Variants in GPC5 observed in about 807,000 individuals in gnomAD.
The protein encoded by GPC5 is glypican 5, also known as glypican-5.
A neutral mutation model predicts 53.9 loss-of-function variants in GPC5; 47 were observed. That is an observed-to-expected ratio of 0.87 (90% confidence interval 0.69 to 1.11). GPC5 has a LOEUF of 1.11. Among genes scored for constraint, GPC5 ranks in the 50% most tolerant of loss-of-function variants. GPC5 has a pLI of 0.00. For synonymous variants in GPC5, 286 were observed against 263.3 expected (o/e 1.09, Z -0.84); for missense variants, 748 against 713.1 (o/e 1.05, Z -0.56).
intron 3 of GPC5, among the ~76,000 whole-genome samples, chr13:91,713,904 T>C (rs1460429948): frequency 6.6e-6 from 1 of 152,196 alleles, no homozygotes; most frequent in Non-Finnish European, 1.5e-5. Context: ...TGGAGATGAT[T>C]GCAGGTAGAT....
At chr13:91,660,141 T>A (rs2034951542) in intron 2 of GPC5, among the ~76,000 whole-genome samples, 1 of 152,186 alleles carries the variant, frequency 6.6e-6, no homozygotes, top group African/African-American at 2.4e-5. Flanking sequence ...GGCTCTACAT[T>A]GGAAACAGCA....
At chr13:91,743,736 T>A (rs1281753294) in intron 4 of GPC5, among the ~76,000 whole-genome samples, 1 of 152,170 alleles carries the variant, frequency 6.6e-6, no homozygotes, top group African/African-American at 2.4e-5. Flanking sequence ...CTTTTTCATC[T>A]TCAGTCCAAA....
At chr13:92,638,312 T>C (rs1390832219) in intron 7 of GPC5, among the ~76,000 whole-genome samples, 1 of 151,976 alleles carries the variant, frequency 6.6e-6, no homozygotes, top group Non-Finnish European at 1.5e-5. Flanking sequence ...AATAAATAAA[T>C]AAAATGAGGC....
intron 7 of GPC5, among the ~76,000 whole-genome samples, chr13:92,702,812 G>A (rs1355076750): frequency 6.6e-6 from 1 of 152,008 alleles, no homozygotes; most frequent in Non-Finnish European, 1.5e-5. Context: ...TCTTGCATAT[G>A]TAACTCTATG....
chr13:91,728,614 G>A lies in GPC5; in HGVS notation c.1103G>A (p.Gly368Glu), dbSNP rs1284796737. 6.2e-7 allele frequency: 1 copy of A among 1,613,410 alleles called. No individual in the cohort carries two copies. Residue 368 changes from glycine to glutamate, a missense_variant, in exon 4 of 8, where the codon GGA (glycine) becomes GAA (glutamate). By Grantham distance (98) the Gly-to-Glu change is moderately conservative. Coordinates refer to ENST00000377067, the MANE Select transcript of GPC5 (RefSeq NM_004466.6). Reference sequence around the variant, plus strand: ...TTTGATCAGAGCAAAGAGAAGCATGGAATGAAGACCACCACAAGGAACAGT... The same window carrying A: ...TTTGATCAGAGCAAAGAGAAGCATGAAATGAAGACCACCACAAGGAACAGT... ...CSFDQSKEKH[G>E]MKTTTRNSEE...
At chr13:91,818,720 C>T (rs184454468) in intron 5 of GPC5, among the ~76,000 whole-genome samples, 25 of 152,266 alleles carry the variant, frequency 1.6e-4, no homozygotes, top group Non-Finnish European at 3.5e-4. Flanking sequence ...AGTCCCAGCC[C>T]TTGAGGGTCA....
chr13:91,887,627 T>TA (rs1222892741), intron 5 of GPC5, among the ~76,000 whole-genome samples: 5 of 152,214 alleles, frequency 3.3e-5, no homozygotes, highest in Non-Finnish European at 7.3e-5. Flanking sequence ...CCAGATACCC[T>TA]AAATCATCTC....
intron 7 of GPC5, among the ~76,000 whole-genome samples, chr13:92,467,835 A>T (rs1392272570): frequency 6.6e-6 from 1 of 152,090 alleles, no homozygotes; most frequent in Non-Finnish European, 1.5e-5. Context: ...AGATATATGC[A>T]GTTTAAATGT....
intron 7 of GPC5, among the ~76,000 whole-genome samples, chr13:92,600,109 C>A (rs1488660956): frequency 6.6e-6 from 1 of 152,126 alleles, no homozygotes; most frequent in Non-Finnish European, 1.5e-5. Context: ...TTTTCTTGAA[C>A]TTTCTGTGCT....
At chr13:92,504,277 A>G (rs1880287664) in intron 7 of GPC5, among the ~76,000 whole-genome samples, 1 of 152,024 alleles carries the variant, frequency 6.6e-6, no homozygotes, top group Non-Finnish European at 1.5e-5. Context: ...ACCTAGTTGT[A>G]AACCTAACAA....
chr13:91,534,852 T>C (rs1222934361), intron 2 of GPC5, among the ~76,000 whole-genome samples: 2 of 152,218 alleles, frequency 1.3e-5, no homozygotes, highest in South Asian at 2.1e-4. Flanking sequence ...GGCTTGGCCA[T>C]TGCTGTATCT....
chr13:91,461,646 G>A (rs569674379), intron 2 of GPC5, among the ~76,000 whole-genome samples: 2 of 152,116 alleles, frequency 1.3e-5, no homozygotes, highest in South Asian at 4.2e-4. Context: ...ACATATATTA[G>A]CTATTATTTA....
At chr13:92,381,974 C>A (rs28676421) in intron 7 of GPC5, among the ~76,000 whole-genome samples, 1 of 137,650 alleles carries the variant, frequency 7.3e-6, no homozygotes, top group Admixed American at 7.6e-5. Flanking sequence ...ATCTATCTAT[C>A]TATCTATCTA....
At chr13:92,370,148 G>A (rs9561023) in intron 7 of GPC5, among the ~76,000 whole-genome samples, 25,206 of 152,164 alleles carry the variant, frequency 0.17, 2,865 homozygotes, top group African/African-American at 0.32. Flanking sequence ...TTGATGAAAT[G>A]CACAGGAATA....
chr13:92,517,505 A>G (rs1880842327), intron 7 of GPC5, among the ~76,000 whole-genome samples: 1 of 152,190 alleles, frequency 6.6e-6, no homozygotes, highest in African/African-American at 2.4e-5. Flanking sequence ...AGGAACGATC[A>G]CGCAGCAACA....
intron 7 of GPC5, among the ~76,000 whole-genome samples, chr13:92,381,233 G>A (rs1379666071): frequency 2.6e-5 from 4 of 152,144 alleles, no homozygotes; most frequent in African/African-American, 9.7e-5. Flanking sequence ...GAATGTTACA[G>A]GAGGTCTAGG....
chr13:92,350,784 AT>A (rs1286065523), intron 7 of GPC5, among the ~76,000 whole-genome samples: 1 of 152,200 alleles, frequency 6.6e-6, no homozygotes, highest in East Asian at 1.9e-4. Context: ...TTTTTACTCC[AT>A]AAATATATGT....
chr13:92,262,343 G>C (rs1219441600), intron 7 of GPC5, among the ~76,000 whole-genome samples: 1 of 152,128 alleles, frequency 6.6e-6, no homozygotes, highest in African/African-American at 2.4e-5. Context: ...AGTACATTTT[G>C]TGACAACATG....
intron 2 of GPC5, among the ~76,000 whole-genome samples, chr13:91,461,518 C>G (rs1026220843): frequency 6.6e-6 from 1 of 152,046 alleles, no homozygotes; most frequent in Non-Finnish European, 1.5e-5. Context: ...ACCTCAATAT[C>G]CTTGCTTGTA....
Sources: allele counts gnomAD v4.1 joint callset (sites outside exome capture counted in the v4.1 genomes callset), GRCh38; gene constraint gnomAD v4.1.1; transcripts MANE v1.5; gene names NCBI Gene and HGNC (gene_info 2026-07-23, HGNC 2026-07-21).